The following ARV1 variants were observed in gnomAD, a reference collection of about 807,000 sequenced individuals.
The protein encoded by ARV1 is ARV1 fatty acid homeostasis modulator.
In ARV1, 26 loss-of-function variants were observed where a neutral mutation model predicts 31.1. That is an observed-to-expected ratio of 0.84 (90% confidence interval 0.61 to 1.16). The LOEUF is 1.16. ARV1 is among the 50% of genes most tolerant of loss of function. The pLI is 0.00. For synonymous variants in ARV1, 117 were observed against 123.2 expected, an observed-to-expected ratio of 0.95 and a Z score of 0.34; for missense variants, 281 against 324.9, an observed-to-expected ratio of 0.86 and a Z score of 1.04.
At position 230,998,711 on chromosome 1, in the gene ARV1, GC is replaced by G. The variant is rs1160415829; in HGVS notation, c.*5-1425del. ...GCTTGAGCCCAGGAGATCAAGACCA[GC>G]CTGGGCAACATAGTGAGACCCCATC... On this transcript the variant is annotated intron_variant, in intron 5 of 5. Coordinates refer to ENST00000310256, the MANE Select transcript of ARV1 (RefSeq NM_022786.3). Among the ~76,000 whole-genome samples the G allele has an allele frequency of 2.0e-5, 3 of 151,258 alleles. No individual in the cohort carries two copies. In the East Asian group the frequency reaches 5.9e-4, roughly 30 times the overall value.
rs1422345414 is a variant in ARV1, at chr1:230,990,180, C to G, written c.365C>G (p.Ser122Cys). 6 of 1,613,168 alleles carry G rather than the reference C, an allele frequency of 3.7e-6. No individual in the cohort carries two copies. Among genetic ancestry groups the G allele is most frequent in the Non-Finnish European group, 5.1e-6 (6 of 1,179,830 alleles). ...CTGAGGTGGTGGCAGCTTCAAGATT[C>G]CAACCAGAATACTGCCCCTGATGAC... ...AYLRWWQLQD[S>C]NQNTAPDDLI... Residue 122 changes from serine (S) to cysteine (C), a missense_variant, in exon 3 of 6, where the codon TCC (serine) becomes TGC (cysteine). Ser to Cys is a moderately radical substitution (Grantham distance 112). Coordinates refer to ENST00000310256, the MANE Select transcript of ARV1 (RefSeq NM_022786.3).
At chr1:230,987,778 G>A (rs1480881362) in intron 1 of ARV1, among the ~76,000 whole-genome samples, 1 of 152,120 alleles carries the variant, frequency 6.6e-6, no homozygotes. Flanking sequence ...CCTGTTACCG[G>A]CCACCTCAGG....
rs759454583 is a variant in ARV1, at chr1:230,990,154, C to A, written c.339C>A (p.Tyr113Ter). The A allele has an allele frequency of 6.2e-7, 1 of 1,612,656 alleles. No individual in the cohort carries two copies. Among genetic ancestry groups the A allele is most frequent in the East Asian group, 2.2e-5 (1 of 44,758 alleles). ...TATTTTGTTTGCTTTGTGAAGCATA[C>A]CTGAGGTGGTGGCAGCTTCAAGATT... ...LCIFCLLCEA[Y>*]LRWWQLQDSN... Residue 113 changes from tyrosine (Y) to a stop codon, truncating the protein, a stop_gained, in exon 3 of 6, where the codon TAC becomes TAA. Transcript: ENST00000310256. LOFTEE classifies it high-confidence loss of function.
chr1:230,996,414 A>G (rs1679367815), intron 4 of ARV1, among the ~76,000 whole-genome samples: 1 of 151,964 alleles, frequency 6.6e-6, no homozygotes, highest in Admixed American at 6.6e-5. Flanking sequence ...CATTTTTCCC[A>G]TATATTTTAC....
At position 230,997,283 on chromosome 1, in the gene ARV1, A is replaced by G; in HGVS notation, c.*4+16A>G. The G allele has an allele frequency of 1.9e-6, 3 of 1,612,424 alleles. No individual in the cohort carries two copies. The highest frequency in any genetic ancestry group is 2.5e-6 in the Non-Finnish European group (3 of 1,178,766). ...TTCTGAAGAGGTACTGAAAGCATGT[A>G]GTGTTCATGCATTCAGACATGTAGC... On this transcript the variant is annotated intron_variant, in intron 5 of 5. Coordinates refer to ENST00000310256, the MANE Select transcript of ARV1 (RefSeq NM_022786.3).
At chr1:230,979,820 T>C (rs1203657420) in intron 1 of ARV1, among the ~76,000 whole-genome samples, 1 of 151,936 alleles carries the variant, frequency 6.6e-6, no homozygotes. Flanking sequence ...TTCTGATGAT[T>C]TTCCATCTCA....
At chr1:230,999,163 C>A (rs1679457241) in intron 5 of ARV1, among the ~76,000 whole-genome samples, 1 of 152,232 alleles carries the variant, frequency 6.6e-6, no homozygotes, top group Non-Finnish European at 1.5e-5. Flanking sequence ...CTTCCCCTCT[C>A]TGCCAGGTCC....
chr1:230,985,755 G>A (rs1292340471), intron 1 of ARV1, among the ~76,000 whole-genome samples: 2 of 152,148 alleles, frequency 1.3e-5, no homozygotes, highest in African/African-American at 4.8e-5. Flanking sequence ...AGAAAGGAAG[G>A]AGATGTGTTC....
chr1:230,979,291 G>A lies in ARV1; in HGVS notation c.174+12G>A. The A allele has an allele frequency of 6.2e-7, 1 of 1,613,002 alleles. No individual in the cohort carries two copies. The highest frequency in any genetic ancestry group is 8.5e-7 in the Non-Finnish European group (1 of 1,179,546). ...AGATAACCATCTGTGTGAGTTGTCAGGTGTGGGGTGCCCTTGAGAAGAAAA... is the reference window on the plus strand; with the variant it reads ...AGATAACCATCTGTGTGAGTTGTCAAGTGTGGGGTGCCCTTGAGAAGAAAA... On this transcript the variant is annotated intron_variant, in intron 1 of 5. Transcript: ENST00000310256.
At chr1:230,990,065 C>T (rs1394947232) in intron 2 of ARV1, 45 bp from the exon 3 acceptor site, 16 of 1,558,528 alleles carry the variant, frequency 1.0e-5, no homozygotes, top group Admixed American at 2.1e-5. Context: ...ACTAGTGCAA[C>T]TGGGTTTCCT....
chr1:230,984,232 CAG>C (rs1678986839), intron 1 of ARV1, among the ~76,000 whole-genome samples: 1 of 152,152 alleles, frequency 6.6e-6, no homozygotes. Flanking sequence ...GCCTAGGCGA[CAG>C]AGTGAGACCT....
chr1:230,979,625 G>T, intron 1 of ARV1: 1 of 288,708 alleles, frequency 3.5e-6, no homozygotes, highest in Non-Finnish European at 6.5e-6. Context: ...ACAGAGAGAT[G>T]GTACCATCCT....
At chr1:230,981,686 T>G (rs952131434) in intron 1 of ARV1, among the ~76,000 whole-genome samples, 2 of 152,212 alleles carry the variant, frequency 1.3e-5, no homozygotes, top group Admixed American at 6.5e-5. Context: ...AAATGTAATT[T>G]AGATCATATC....
intron 4 of ARV1, among the ~76,000 whole-genome samples, chr1:230,996,669 C>T (rs942593753): frequency 5.3e-5 from 8 of 152,056 alleles, no homozygotes; most frequent in Admixed American, 3.3e-4. Context: ...CTCCTGGGCT[C>T]GAGCAGTCTG....
chr1:230,996,352 C>G (rs1009951994), intron 4 of ARV1, among the ~76,000 whole-genome samples: 2 of 152,198 alleles, frequency 1.3e-5, no homozygotes, highest in Non-Finnish European at 2.9e-5. Context: ...GTATCTGCCT[C>G]TCAATCCAGG....
Position 230,997,149 on chromosome 1 carries a change from C to T in ARV1, c.702C>T (p.Ser234=), listed in dbSNP as rs1558246853. 6.8e-6 allele frequency: 11 copies of T among 1,614,148 alleles called. No individual in the cohort carries two copies. Among genetic ancestry groups the T allele is most frequent in the Non-Finnish European group, 9.3e-6 (11 of 1,180,010 alleles). ...CCCTAAACATCAACCGTAAGCTCTC[C>T]TTCTTGGCCGTGTTGAGTGGCTTAC... The part of the protein sequence containing the change: ...RVTLNINRKL[S]FLAVLSGLLL... The change falls in exon 5 of 6, where the codon TCC becomes TCT. Residue 234 remains serine, a synonymous_variant. Transcript: ENST00000310256.
chr1:230,985,096 C>CA (rs1471917012), intron 1 of ARV1, among the ~76,000 whole-genome samples: 1 of 152,114 alleles, frequency 6.6e-6, no homozygotes, highest in Non-Finnish European at 1.5e-5. Context: ...ATTAAAGAGA[C>CA]AAGCAGGACA....
chr1:230,992,701 C>T (rs1176318245), intron 3 of ARV1, among the ~76,000 whole-genome samples: 1 of 152,130 alleles, frequency 6.6e-6, no homozygotes, highest in Non-Finnish European at 1.5e-5. Context: ...CAGTTACACT[C>T]GGTGATTATT....
chr1:230,981,946 A>G (rs906143872), intron 1 of ARV1, among the ~76,000 whole-genome samples: 1 of 152,200 alleles, frequency 6.6e-6, no homozygotes, highest in Non-Finnish European at 1.5e-5. Flanking sequence ...CAAACATCTC[A>G]GAGAGTCTAC....
Sources: gnomAD v4.1 joint callset for allele counts (sites outside exome capture counted in the v4.1 genomes callset) on GRCh38, gnomAD v4.1.1 for gene constraint, MANE v1.5 for transcripts, NCBI Gene and HGNC (gene_info 2026-07-23, HGNC 2026-07-21) for gene names.